GPHN: variants seen among roughly 807,000 people sequenced by gnomAD.
GPHN encodes the protein gephyrin.
A neutral mutation model predicts 95.5 loss-of-function variants in GPHN; 17 were observed. That is an observed-to-expected ratio of 0.18 (90% CI 0.12 to 0.27). GPHN has a LOEUF of 0.27. Ranked by LOEUF, GPHN falls within the 10% of genes least tolerant of loss-of-function variation. GPHN has a pLI of 1.00. For synonymous variants in GPHN, 320 were observed against 322.5 expected (o/e 0.99, Z 0.08); for missense variants, 660 against 978.1 (o/e 0.67, Z 4.34).
At chr14:67,397,820 T>G in the GPHN span, 1 of 1,609,744 alleles carries the variant, frequency 6.2e-7, no homozygotes, top group Non-Finnish European at 8.5e-7. Flanking sequence ...TTGTGGACAA[T>G]GTGGCCCTAT....
At chr14:66,711,349 G>A (rs75387805) in intron 2 of GPHN, among the ~76,000 whole-genome samples, 2 of 152,028 alleles carry the variant, frequency 1.3e-5, no homozygotes, top group Non-Finnish European at 2.9e-5. Flanking sequence ...CCTCATCCAG[G>A]TCGCTATGAA....
chr14:67,034,382 G>A (rs1371162963), intron 10 of GPHN, among the ~76,000 whole-genome samples: 3 of 152,068 alleles, frequency 2.0e-5, no homozygotes, highest in Non-Finnish European at 4.4e-5. Flanking sequence ...AAGGAAGACA[G>A]CAAGAGGGAA....
At chr14:66,979,806 T>C (rs1169583408) in intron 9 of GPHN, among the ~76,000 whole-genome samples, 1 of 152,208 alleles carries the variant, frequency 6.6e-6, no homozygotes, top group Non-Finnish European at 1.5e-5. Context: ...ACTTAGTCAT[T>C]TCTAGCTTTT....
the GPHN span, among the ~76,000 whole-genome samples, chr14:67,497,035 G>A: frequency 1.3e-5 from 2 of 151,766 alleles, no homozygotes; most frequent in African/African-American, 2.4e-5. Flanking sequence ...CAGGTGATCG[G>A]CCCGCCTCAG....
chr14:67,191,209 G>A, the GPHN span, among the ~76,000 whole-genome samples: 22 of 152,320 alleles, frequency 1.4e-4, no homozygotes, highest in African/African-American at 5.3e-4. Flanking sequence ...ACTCCAGCCT[G>A]GGTGATGGAG....
At chr14:66,870,477 A>G (rs1042096919) in intron 4 of GPHN, among the ~76,000 whole-genome samples, 9 of 152,186 alleles carry the variant, frequency 5.9e-5, no homozygotes, top group African/African-American at 2.2e-4. Context: ...TAACTACTGT[A>G]TTTTCGATCC....
chr14:67,093,452 G>A (rs545358005), intron 12 of GPHN, among the ~76,000 whole-genome samples: 6 of 151,906 alleles, frequency 3.9e-5, no homozygotes, highest in Admixed American at 2.0e-4. Flanking sequence ...ATCCTCTTTC[G>A]CTACAACTGG....
At chr14:66,643,275 T>C (rs905808274) in intron 1 of GPHN, among the ~76,000 whole-genome samples, 4 of 152,060 alleles carry the variant, frequency 2.6e-5, no homozygotes, top group Admixed American at 6.6e-5. Flanking sequence ...AAGGAAGTTG[T>C]ATAGTTGGAT....
chr14:67,412,278 G>T, the GPHN span: 2 of 449,110 alleles, frequency 4.5e-6, no homozygotes, highest in Non-Finnish European at 7.7e-6. Flanking sequence ...ACCCAAAGGT[G>T]CTCCAGGGTC....
At chr14:67,075,922 G>A (rs1200466170) in intron 11 of GPHN, among the ~76,000 whole-genome samples, 1 of 152,146 alleles carries the variant, frequency 6.6e-6, no homozygotes, top group South Asian at 2.1e-4. Context: ...GACAACCAAG[G>A]ATTTAGAATA....
the GPHN span, among the ~76,000 whole-genome samples, chr14:67,701,062 A>G: frequency 1.3e-5 from 2 of 151,206 alleles, no homozygotes; most frequent in South Asian, 2.1e-4. Context: ...AGATTACAGA[A>G]GTTGACAAAA....
chr14:67,635,248 A>C, the GPHN span, among the ~76,000 whole-genome samples: 2 of 152,202 alleles, frequency 1.3e-5, no homozygotes, highest in Non-Finnish European at 2.9e-5. Context: ...TCTCAAAAAA[A>C]AGAGAAAAGG....
At chr14:66,828,142 A>G (rs2061447407) in intron 4 of GPHN, among the ~76,000 whole-genome samples, 2 of 151,892 alleles carry the variant, frequency 1.3e-5, no homozygotes, top group African/African-American at 4.8e-5. Flanking sequence ...CATATTTTAT[A>G]TGTATATATA....
chr14:67,461,370 G>C, the GPHN span, among the ~76,000 whole-genome samples: 1 of 152,180 alleles, frequency 6.6e-6, no homozygotes, highest in Non-Finnish European at 1.5e-5. Flanking sequence ...TGACTCCAAA[G>C]CCTGGGGTAT....
rs569231983 is a variant in GPHN at position 66,947,643 on chromosome 14, C to T, written c.829-17548C>T. Among the ~76,000 whole-genome samples, 9 of 152,254 alleles carry T rather than the reference C, an allele frequency of 5.9e-5. No individual in the cohort carries two copies. In the South Asian group the frequency reaches 1.7e-3, roughly 28 times the overall value. ...TGACATTTTAAAAAGGGATATATTT[C>T]GCCATACCCATGATGTATAAGAATT... On this transcript the variant is annotated intron_variant, in intron 8 of 22. Transcript: ENST00000478722.
At chr14:67,344,247 A>C in the GPHN span, among the ~76,000 whole-genome samples, 1 of 152,214 alleles carries the variant, frequency 6.6e-6, no homozygotes, top group Admixed American at 6.5e-5. Context: ...CCCTTCTCCT[A>C]AACTTTCCCA....
At chr14:67,648,065 T>C in the GPHN span, 1 of 1,612,896 alleles carries the variant, frequency 6.2e-7, no homozygotes, top group East Asian at 2.2e-5. Flanking sequence ...GACCAATCCA[T>C]TTGAGTTTTG....
chr14:66,928,840 A>G (rs2066625284), intron 8 of GPHN, among the ~76,000 whole-genome samples: 1 of 151,776 alleles, frequency 6.6e-6, no homozygotes, highest in Non-Finnish European at 1.5e-5. Flanking sequence ...AGTTTTTTTT[A>G]TTGATTTCTA....
the GPHN span, among the ~76,000 whole-genome samples, chr14:67,622,056 C>T: frequency 6.6e-6 from 1 of 152,242 alleles, no homozygotes; most frequent in East Asian, 1.9e-4. Context: ...TGCCACTGCA[C>T]TCCAGCCTGG....
Sources: gnomAD v4.1 joint callset for allele counts (sites outside exome capture counted in the v4.1 genomes callset) on GRCh38, gnomAD v4.1.1 for gene constraint, MANE v1.5 for transcripts, NCBI Gene and HGNC (gene_info 2026-07-23, HGNC 2026-07-21) for gene names.